GALC: variants seen among roughly 807,000 people sequenced by gnomAD.
The protein encoded by GALC is galactocerebrosidase.
A neutral mutation model predicts 91.8 loss-of-function variants in GALC; 77 were observed. The observed-to-expected ratio is 0.84, with a 90% CI of 0.70 to 1.01. The LOEUF (loss-of-function observed/expected upper bound fraction) is 1.01. Among genes scored for constraint, GALC ranks in the 50% least tolerant of loss-of-function variants. GALC has a pLI of 0.00. For synonymous variants in GALC, 357 were observed against 306.7 expected (o/e 1.16, Z -1.71); for missense variants, 882 against 855.9 (o/e 1.03, Z -0.38).
Position 87,950,471 on chromosome 14 carries a change from C to T in GALC, c.1251+188G>A, listed in dbSNP as rs564011297. ...TCCTCAAAGTCACAGAGCATTTTAC[C>T]TCCTACTGGCTTCTGTCCTGCTAGA... On this transcript the variant is annotated intron_variant, in intron 11 of 16. Coordinates refer to ENST00000261304, the MANE Select transcript of GALC (RefSeq NM_000153.4). Among the ~76,000 whole-genome samples, 8 of 151,568 alleles carry T rather than the reference C, an allele frequency of 5.3e-5. No individual in the cohort carries two copies. The South Asian group carries it at 1.5e-3, about 28-fold the overall frequency.
At position 87,979,968 on chromosome 14, in the gene GALC, C is replaced by A. The variant is rs1022718987; in HGVS notation, c.621+2237G>T. On this transcript the variant is annotated intron_variant, in intron 6 of 16. Coordinates refer to ENST00000261304, the MANE Select transcript of GALC (RefSeq NM_000153.4). ...CCACCTCCCCCACCCAATCTGCTCC[C>A]ACCACCACACTCCCATCAGCATACT... 3.3e-5 allele frequency among the ~76,000 whole-genome samples: 5 copies of A among 152,172 alleles called. No homozygotes were observed. The East Asian group carries it at 7.7e-4, about 23-fold the overall frequency.
chr14:87,961,747 G>C (rs1885815803), intron 10 of GALC, among the ~76,000 whole-genome samples: 2 of 152,082 alleles, frequency 1.3e-5, no homozygotes, highest in Non-Finnish European at 1.5e-5. Context: ...CTCACTCTAA[G>C]AGCCTGCAGA....
At position 87,975,757 on chromosome 14, in the gene GALC, T is replaced by C. The variant is rs1030181791; in HGVS notation, c.752+601A>G. 6.0e-5 allele frequency among the ~76,000 whole-genome samples: 9 copies of C among 149,932 alleles called. No homozygotes were observed. The South Asian group carries it at 6.3e-4, about 11-fold the overall frequency. On this transcript the variant is annotated intron_variant, in intron 7 of 16. Coordinates refer to ENST00000261304, the MANE Select transcript of GALC (RefSeq NM_000153.4). ...AAAGAACAAATTCTACACACATACATACACACACACACACACACAAACATA... is the reference window on the plus strand; with the variant it reads ...AAAGAACAAATTCTACACACATACACACACACACACACACACACAAACATA...
Position 87,988,149 on chromosome 14 carries a change from G to T in GALC, c.323C>A (p.Thr108Lys). The change falls in exon 3 of 17, where the codon ACA (threonine) becomes AAA (lysine). Residue 108 changes from threonine to lysine, a missense_variant. By Grantham distance (78) the Thr-to-Lys change is moderately conservative (BLOSUM62 -1). Coordinates refer to ENST00000261304, the MANE Select transcript of GALC (RefSeq NM_000153.4). ...TATCTCCCAAATTCTCCTACCTGTTGTCTGCCCATCACCACCTATTTCCAC... is the reference window on the plus strand; with the variant it reads ...TATCTCCCAAATTCTCCTACCTGTTTTCTGCCCATCACCACCTATTTCCAC... ...LKVEIGGDGQ[T>K]TDGTEPSHMH... The T allele has an allele frequency of 6.2e-7, 1 of 1,613,394 alleles. No homozygotes were observed. Among genetic ancestry groups the T allele is most frequent in the Middle Eastern group, 1.7e-4 (1 of 6,054 alleles).
intron 7 of GALC, among the ~76,000 whole-genome samples, chr14:87,974,299 C>T (rs1220987295): frequency 6.6e-6 from 1 of 152,146 alleles, no homozygotes; most frequent in Non-Finnish European, 1.5e-5. Context: ...GCATAGATCT[C>T]TTAGTTACAC....
chr14:87,939,998 T>C lies in GALC; in HGVS notation c.1835-17A>G. ...TCCATCCAGCTGTAACACAAAAATA[T>C]TATCCCAATAGATATAATTTTGAGA... is the stretch of plus-strand genomic sequence containing the variant. On this transcript the variant is annotated splice_polypyrimidine_tract_variant and intron_variant, in intron 15 of 16. Coordinates refer to ENST00000261304, the MANE Select transcript of GALC (RefSeq NM_000153.4). The C allele has an allele frequency of 6.3e-7, 1 of 1,575,742 alleles. No individual in the cohort carries two copies. Among genetic ancestry groups the C allele is most frequent in the Non-Finnish European group, 8.7e-7 (1 of 1,146,054 alleles).
At chr14:87,986,401 G>GT (rs1446299511) in intron 4 of GALC, 88 bp downstream of exon 4, 1 of 825,120 alleles carries the variant, frequency 1.2e-6, no homozygotes, top group African/African-American at 1.7e-5. Context: ...GAGTACTTCC[G>GT]TATTAATAGA....
At chr14:87,966,015 C>T (rs947326381) in intron 8 of GALC, among the ~76,000 whole-genome samples, 1 of 152,060 alleles carries the variant, frequency 6.6e-6, no homozygotes, top group African/African-American at 2.4e-5. Context: ...TTCTTAATGC[C>T]CCAGTTTTAT....
intron 7 of GALC, among the ~76,000 whole-genome samples, chr14:87,971,470 A>C (rs1019397722): frequency 1.3e-5 from 2 of 152,208 alleles, no homozygotes; most frequent in African/African-American, 2.4e-5. Flanking sequence ...TATGAACCAC[A>C]CATAGACAAT....
At chr14:87,992,638 AGCCTGTGCCCCACT>A in intron 1 of GALC, 1 of 1,446,392 alleles carries the variant, frequency 6.9e-7, no homozygotes, top group South Asian at 1.5e-5. Flanking sequence ...CGATGAAGAC[AGCCTGTGCCCCACT>A]GCCTGGGACG....
At chr14:87,992,282 CA>C (rs1887230680) in intron 1 of GALC, 1 of 1,535,366 alleles carries the variant, frequency 6.5e-7, no homozygotes, top group African/African-American at 1.4e-5. Context: ...GATACAAAAC[CA>C]AAAAACAAAA....
chr14:87,990,897 G>T (rs1292342770), intron 1 of GALC, among the ~76,000 whole-genome samples: 2 of 152,156 alleles, frequency 1.3e-5, no homozygotes, highest in East Asian at 3.8e-4. Context: ...AAAAGCCTTG[G>T]GGACATTTCA....
In GALC at chr14:87,947,746, TA is replaced by T. The variant is rs1315873866; in HGVS notation, c.1470del (p.Tyr490Ter). ...PPKSQPFPST[Y>X]KDDFNVDYPF... ...TACTCACCAACATTGAAATCATCCT[TA>T]TAGGTACTTGGGAAGGGCTGGGATT... is the stretch of plus-strand genomic sequence containing the variant. On this transcript the variant is annotated frameshift_variant, in exon 13 of 17. Transcript: ENST00000261304. LOFTEE classifies it high-confidence loss of function. 1 of 1,612,792 alleles carries T rather than the reference TA, an allele frequency of 6.2e-7. No homozygotes were observed. Among genetic ancestry groups the T allele is most frequent in the South Asian group, 1.1e-5 (1 of 91,064 alleles).
At chr14:87,970,569 T>C (rs867883509) in intron 7 of GALC, among the ~76,000 whole-genome samples, 22 of 152,130 alleles carry the variant, frequency 1.4e-4, no homozygotes, top group African/African-American at 5.1e-4. Context: ...TATAGATTTA[T>C]TACTAGTGCA....
chr14:87,961,717 TGAA>T (rs1885814175), intron 10 of GALC, among the ~76,000 whole-genome samples: 1 of 152,130 alleles, frequency 6.6e-6, no homozygotes, highest in Admixed American at 6.5e-5. Flanking sequence ...CAGTTTCTGG[TGAA>T]GAAGATGAGA....
chr14:87,965,572 G>A lies in GALC; in HGVS notation c.966C>T (p.Cys322=), dbSNP rs772842910. 58 of 1,612,930 alleles carry A rather than the reference G, an allele frequency of 3.6e-5. No homozygotes were observed. The highest frequency in any genetic ancestry group is 1.5e-4 in the South Asian group (14 of 91,064). The change falls in exon 9 of 17, where the codon TGC becomes TGT. Residue 322 remains cysteine, a synonymous_variant. Coordinates refer to ENST00000261304, the MANE Select transcript of GALC (RefSeq NM_000153.4). The part of the protein sequence containing the change: ...SYYEQLPYGR[C]GLMTAQEPWS... ...ATGGCTCCTGGGCCGTCATCAACCC[G>A]CATCTCCCATAAGGCAACTGTTCAT...
chr14:87,957,470 T>A (rs1885605298), intron 10 of GALC, among the ~76,000 whole-genome samples: 1 of 152,178 alleles, frequency 6.6e-6, no homozygotes, highest in African/African-American at 2.4e-5. Context: ...TTCATTATTC[T>A]ATATGTTGCT....
intron 10 of GALC, chr14:87,954,037 G>A: frequency 1.2e-6 from 2 of 1,609,772 alleles, no homozygotes; most frequent in East Asian, 4.5e-5. Context: ...GAGGACCAAT[G>A]GGTTGGCGAG....
At chr14:87,959,001 GACTGAA>G (rs1244497412) in intron 10 of GALC, among the ~76,000 whole-genome samples, 4 of 152,280 alleles carry the variant, frequency 2.6e-5, no homozygotes, top group African/African-American at 7.2e-5. Flanking sequence ...GATGACATCA[GACTGAA>G]AAGCTTTTGC....
Sources: gnomAD v4.1 joint callset for allele counts (sites outside exome capture counted in the v4.1 genomes callset) on GRCh38, gnomAD v4.1.1 for gene constraint, MANE v1.5 for transcripts, NCBI Gene and HGNC (gene_info 2026-07-23, HGNC 2026-07-21) for gene names.